Variants in HIP1 observed in about 807,000 individuals in gnomAD.
HIP1 encodes huntingtin-interacting protein 1.
In HIP1, 65 loss-of-function variants were observed where a neutral mutation model predicts 147.6. That is an observed-to-expected ratio of 0.44 (90% CI 0.36 to 0.54). The LOEUF (loss-of-function observed/expected upper bound fraction) is 0.54. HIP1 is among the 20% of genes least tolerant of loss of function. HIP1 has a pLI of 0.00. For synonymous variants in HIP1, 479 were observed against 504.0 expected, an observed-to-expected ratio of 0.95 and a Z score of 0.67; for missense variants, 1,061 against 1,299.6, an observed-to-expected ratio of 0.82 and a Z score of 2.82.
chr7:75,542,022 T>TG, intron 28 of HIP1, 42 bp from the exon 29 acceptor site: 1 of 1,534,906 alleles, frequency 6.5e-7, no homozygotes, highest in Non-Finnish European at 9.0e-7. Context: ...AATTCTACCC[T>TG]GGCTGACTGG....
At chr7:75,714,383 C>T (rs1719668564) in intron 1 of HIP1, among the ~76,000 whole-genome samples, 1 of 151,866 alleles carries the variant, frequency 6.6e-6, no homozygotes, top group East Asian at 1.9e-4. Context: ...TTCAGAGGAG[C>T]TGCAAAAGTA....
chr7:75,696,939 A>C (rs1800658945), intron 1 of HIP1, among the ~76,000 whole-genome samples: 1 of 148,528 alleles, frequency 6.7e-6, no homozygotes, highest in Non-Finnish European at 1.5e-5. Flanking sequence ...GTGCTTTACA[A>C]CTCACAGGTC....
intron 4 of HIP1, among the ~76,000 whole-genome samples, chr7:75,589,622 G>T (rs184467250): frequency 7.3e-6 from 1 of 137,836 alleles, no homozygotes; most frequent in East Asian, 2.4e-4. Context: ...GGCGAAGGGT[G>T]CAGTGAGCTG....
chr7:75,557,853 G>T (rs782677166), intron 15 of HIP1, 83 bp from the exon 16 acceptor site: 2 of 1,037,642 alleles, frequency 1.9e-6, no homozygotes, highest in Non-Finnish European at 3.0e-6. Context: ...TACTCAGGCT[G>T]TGCGTGCCCT....
At chr7:75,595,225 T>TTTCC (rs1796659336) in intron 2 of HIP1, among the ~76,000 whole-genome samples, 1 of 102,246 alleles carries the variant, frequency 9.8e-6, no homozygotes, top group African/African-American at 4.8e-5. Flanking sequence ...TCTTTCTTTC[T>TTTCC]TTCTTTCTTT....
chr7:75,711,248 T>C (rs1425333999), intron 1 of HIP1, among the ~76,000 whole-genome samples: 5 of 152,222 alleles, frequency 3.3e-5, no homozygotes, highest in African/African-American at 7.2e-5. Flanking sequence ...AACTCTTAGA[T>C]TGCAACATCA....
At chr7:75,694,396 T>C (rs1554518537) in intron 1 of HIP1, among the ~76,000 whole-genome samples, 2 of 152,126 alleles carry the variant, frequency 1.3e-5, no homozygotes. Flanking sequence ...CTTGCACAAC[T>C]TCATTTCCTT....
At chr7:75,717,676 C>A (rs13222572) in intron 1 of HIP1, among the ~76,000 whole-genome samples, 261 of 117,636 alleles carry the variant, frequency 2.2e-3, no homozygotes, top group African/African-American at 2.9e-3. Context: ...ACTAAAAATA[C>A]AAAAAAAAAA....
rs1468492148 is a variant in HIP1, at chr7:75,533,638, C to T, written c.*4534G>A. On this transcript the variant is annotated 3_prime_UTR_variant, in exon 31 of 31. Coordinates refer to ENST00000336926, the MANE Select transcript of HIP1 (RefSeq NM_005338.7). ...TGTCCCTATGAGTGGTAATCAGTTT[C>T]ATTTAGGGCCTTCAAACCTGAGGTA... 4.3e-6 allele frequency: 1 copy of T among 232,522 alleles called. No homozygotes were observed. The highest frequency in any genetic ancestry group is 8.5e-6 in the Non-Finnish European group (1 of 117,666). The allele number at this position is 232,522 out of a possible 1,614,324, so 14.4% of individuals were successfully genotyped here.
intron 14 of HIP1, among the ~76,000 whole-genome samples, 187 bp from the exon 15 acceptor site, chr7:75,558,442 A>G (rs971629904): frequency 6.6e-6 from 1 of 152,102 alleles, no homozygotes; most frequent in Non-Finnish European, 1.5e-5. Flanking sequence ...GGCTCAAGTC[A>G]TCCTCCCACC....
intron 1 of HIP1, among the ~76,000 whole-genome samples, chr7:75,629,730 C>T (rs782598597): frequency 1.1e-4 from 16 of 152,110 alleles, no homozygotes; most frequent in South Asian, 4.2e-4. Flanking sequence ...TTAGTAGAGA[C>T]GGGTTTTCTC....
intron 9 of HIP1, among the ~76,000 whole-genome samples, chr7:75,566,879 T>C (rs1795423976): frequency 6.6e-6 from 1 of 151,060 alleles, no homozygotes; most frequent in East Asian, 1.9e-4. Flanking sequence ...CCCATCACTT[T>C]GGGAGGCAGA....
At chr7:75,718,246 A>G (rs559890820) in intron 1 of HIP1, among the ~76,000 whole-genome samples, 1 of 152,222 alleles carries the variant, frequency 6.6e-6, no homozygotes, top group Admixed American at 6.6e-5. Flanking sequence ...AGTCCCAGCT[A>G]TGTGGGAGGC....
At chr7:75,602,529 A>G (rs1797042595) in intron 1 of HIP1, among the ~76,000 whole-genome samples, 2 of 100,524 alleles carry the variant, frequency 2.0e-5, no homozygotes, top group African/African-American at 8.1e-5. Flanking sequence ...TTTGAGACGG[A>G]GTCTCGCTCT....
At chr7:75,579,070 C>T (rs587730874) in intron 7 of HIP1, among the ~76,000 whole-genome samples, 57 of 151,938 alleles carry the variant, frequency 3.8e-4, no homozygotes, top group African/African-American at 1.2e-3. Flanking sequence ...CACCTGCCTT[C>T]GCCTCCCAAC....
chr7:75,663,921 T>A, intron 1 of HIP1, among the ~76,000 whole-genome samples: 1 of 136,950 alleles, frequency 7.3e-6, no homozygotes, highest in Admixed American at 7.7e-5. Flanking sequence ...CTTCCATTAT[T>A]TTATGTATGT....
Sources: allele counts gnomAD v4.1 joint callset (sites outside exome capture counted in the v4.1 genomes callset), GRCh38; gene constraint gnomAD v4.1.1; transcripts MANE v1.5; gene names NCBI Gene and HGNC (gene_info 2026-07-23, HGNC 2026-07-21).